The following KHDRBS3 variants were observed in gnomAD, a reference collection of about 807,000 sequenced individuals.
The protein encoded by KHDRBS3 is KH domain-containing, RNA-binding, signal transduction-associated protein 3.
In KHDRBS3, 23 loss-of-function variants were observed where a neutral mutation model predicts 45.6. The observed-to-expected ratio is 0.50, with a 90% CI of 0.36 to 0.72. KHDRBS3 has a LOEUF of 0.72. Among genes scored for constraint, KHDRBS3 ranks in the 30% least tolerant of loss-of-function variants. The pLI, the probability that KHDRBS3 is intolerant of heterozygous loss-of-function variation, is 0.00. For synonymous variants in KHDRBS3, 162 were observed against 156.5 expected (o/e 1.04, Z -0.26); for missense variants, 352 against 424.8 (o/e 0.83, Z 1.51).
intron 3 of KHDRBS3, 39 bp from the exon 4 acceptor site, chr8:135,548,715 A>T: frequency 7.1e-7 from 1 of 1,412,486 alleles, no homozygotes; most frequent in Non-Finnish European, 9.4e-7. Flanking sequence ...TCTTATAATG[A>T]CACGTTTTTA....
At chr8:135,621,876 C>T (rs933284112) in intron 7 of KHDRBS3, among the ~76,000 whole-genome samples, 2 of 152,004 alleles carry the variant, frequency 1.3e-5, no homozygotes, top group Non-Finnish European at 2.9e-5. Flanking sequence ...ATACCAGGCT[C>T]AGGAGTTCCA....
At chr8:135,584,408 A>T (rs952181707) in intron 6 of KHDRBS3, among the ~76,000 whole-genome samples, 3 of 152,252 alleles carry the variant, frequency 2.0e-5, no homozygotes, top group African/African-American at 7.2e-5. Context: ...AAGAAATACC[A>T]TCATGAGTGC....
At chr8:135,531,804 A>G (rs754822931) in intron 2 of KHDRBS3, among the ~76,000 whole-genome samples, 7 of 152,174 alleles carry the variant, frequency 4.6e-5, no homozygotes, top group Non-Finnish European at 1.0e-4. Flanking sequence ...TATGGGGAAT[A>G]GTGGATCATA....
At chr8:135,649,742 A>G (rs1831390724), downstream of KHDRBS3, among the ~76,000 whole-genome samples, 1 of 152,206 alleles carries the variant, frequency 6.6e-6, no homozygotes, top group African/African-American at 2.4e-5. Context: ...CATACAGAAT[A>G]ATAAGAATTA....
intron 7 of KHDRBS3, among the ~76,000 whole-genome samples, chr8:135,622,599 C>A (rs1324349813): frequency 2.0e-5 from 3 of 152,148 alleles, no homozygotes; most frequent in Non-Finnish European, 4.4e-5. Context: ...GCTTTGAAAT[C>A]TAAATATCAA....
intron 1 of KHDRBS3, chr8:135,458,949 T>C (rs1407422918): frequency 1.1e-5 from 5 of 456,158 alleles, no homozygotes; most frequent in African/African-American, 2.0e-5. Flanking sequence ...GTCTCCTACT[T>C]TTCCTGGAAT....
intron 1 of KHDRBS3, among the ~76,000 whole-genome samples, chr8:135,465,725 AAATTTCCAT>A (rs1821663013): frequency 6.6e-6 from 1 of 152,236 alleles, no homozygotes; most frequent in African/African-American, 2.4e-5. Flanking sequence ...GGTAAGCTGT[AAATTTCCAT>A]AATTTTTTAC....
chr8:135,459,974 TGTTA>T (rs370684590), intron 1 of KHDRBS3, among the ~76,000 whole-genome samples: 1 of 152,380 alleles, frequency 6.6e-6, no homozygotes, highest in East Asian at 1.9e-4. Flanking sequence ...CTTGTCTTAC[TGTTA>T]GTTTAGATGA....
At chr8:135,656,053 T>C (rs1403891427) in intron 4 of KHDRBS3, among the ~76,000 whole-genome samples, 2 of 152,224 alleles carry the variant, frequency 1.3e-5, no homozygotes, top group Admixed American at 6.5e-5. Flanking sequence ...AACACAAATA[T>C]TTTATGTCCT....
rs189158742 is a variant in KHDRBS3 at position 135,490,780 on chromosome 8, A to G, written c.89-30457A>G. 1.1e-3 allele frequency among the ~76,000 whole-genome samples: 162 copies of G among 152,332 alleles called. 1 individual carries two copies. Among genetic ancestry groups the G allele is most frequent in the African/African-American group, 3.5e-3 (144 of 41,588 alleles). On this transcript the variant is annotated intron_variant, in intron 1 of 8. Transcript: ENST00000355849. The stretch of plus-strand genomic sequence containing the variant: ...AGGGATAAGACAAAGCTTAGATAAT[A>G]CAGAAGAGAGGATAATAGCTTGAAT...
intron 7 of KHDRBS3, among the ~76,000 whole-genome samples, chr8:135,618,190 A>G (rs1366601982): frequency 6.6e-6 from 1 of 152,224 alleles, no homozygotes; most frequent in African/African-American, 2.4e-5. Context: ...TATTTTTGCA[A>G]TAAGTGCCTG....
chr8:135,516,991 T>G (rs912422839), intron 1 of KHDRBS3, among the ~76,000 whole-genome samples: 1 of 152,206 alleles, frequency 6.6e-6, no homozygotes, highest in Admixed American at 6.5e-5. Flanking sequence ...AGAATATTAG[T>G]GGACTTTAGT....
chr8:135,565,361 A>G (rs1044547377), intron 5 of KHDRBS3, among the ~76,000 whole-genome samples: 3 of 152,168 alleles, frequency 2.0e-5, no homozygotes, highest in African/African-American at 7.2e-5. Context: ...CACATTATAA[A>G]TTTTTGAGAG....
In KHDRBS3 at chr8:135,533,969, G is replaced by C. The variant is rs187203629; in HGVS notation, c.208-8685G>C. Among the ~76,000 whole-genome samples, 245 of 152,176 alleles carry C rather than the reference G, an allele frequency of 1.6e-3. 1 individual carries two copies. Among genetic ancestry groups the C allele is most frequent in the African/African-American group, 5.6e-3 (232 of 41,520 alleles). On this transcript the variant is annotated intron_variant, in intron 2 of 8. Coordinates refer to ENST00000355849, the MANE Select transcript of KHDRBS3 (RefSeq NM_006558.3). ...CTGAAATTGAAAAACCAGAATGGTC[G>C]TATGGATACTGGAAATAAAGTTTCC...
intron 3 of KHDRBS3, among the ~76,000 whole-genome samples, chr8:135,544,822 A>G (rs546324788): frequency 1.3e-5 from 2 of 152,194 alleles, no homozygotes; most frequent in South Asian, 2.1e-4. Context: ...TGTATATTTC[A>G]TCAAGGCACT....
intron 1 of KHDRBS3, among the ~76,000 whole-genome samples, chr8:135,508,516 T>G (rs1172795985): frequency 1.3e-5 from 2 of 152,184 alleles, no homozygotes; most frequent in Non-Finnish European, 2.9e-5. Flanking sequence ...AGCCTGATAA[T>G]TGTTTAAGGT....
chr8:135,511,290 A>G (rs1824270933), intron 1 of KHDRBS3, among the ~76,000 whole-genome samples: 1 of 152,204 alleles, frequency 6.6e-6, no homozygotes, highest in East Asian at 1.9e-4. Flanking sequence ...GAGATTGACT[A>G]CTTGGAAGAT....
intron 7 of KHDRBS3, among the ~76,000 whole-genome samples, chr8:135,617,858 G>A (rs150401166): frequency 6.6e-5 from 10 of 152,210 alleles, no homozygotes; most frequent in African/African-American, 2.4e-4. Context: ...CCTTATTTGT[G>A]CAATAAAAAG....
chr8:135,645,524 C>G (rs948805071), intron 8 of KHDRBS3, among the ~76,000 whole-genome samples: 2 of 152,108 alleles, frequency 1.3e-5, no homozygotes, highest in Non-Finnish European at 2.9e-5. Context: ...TGTTTTAATT[C>G]ATTTCCAATC....
Sources: allele counts gnomAD v4.1 joint callset (sites outside exome capture counted in the v4.1 genomes callset), GRCh38; gene constraint gnomAD v4.1.1; transcripts MANE v1.5; gene names NCBI Gene and HGNC (gene_info 2026-07-23, HGNC 2026-07-21).